Variants in STK32A observed in about 807,000 individuals in gnomAD.
STK32A encodes serine/threonine kinase 32A.
Under a neutral mutation model 53.2 loss-of-function variants are expected in STK32A, and 41 were observed. The ratio of observed to expected loss-of-function variants is 0.77; its 90% CI spans 0.60 to 1.00. STK32A has a LOEUF of 1.00. Among genes scored for constraint, STK32A ranks in the 50% least tolerant of loss-of-function variants. The pLI, the probability that STK32A is intolerant of heterozygous loss-of-function variation, is 0.00. For synonymous variants in STK32A, 166 were observed against 162.8 expected, an observed-to-expected ratio of 1.02 and a Z score of -0.15; for missense variants, 458 against 485.8, an observed-to-expected ratio of 0.94 and a Z score of 0.54.
At chr5:147,369,926 A>G (rs531610006) in intron 8 of STK32A, among the ~76,000 whole-genome samples, 74 of 152,320 alleles carry the variant, frequency 4.9e-4, no homozygotes, top group Admixed American at 7.9e-4. Context: ...GTCCCCTACA[A>G]AATAATATAG....
intron 5 of STK32A, among the ~76,000 whole-genome samples, chr5:147,325,026 G>C (rs1467103532): frequency 6.6e-6 from 1 of 152,142 alleles, no homozygotes; most frequent in Non-Finnish European, 1.5e-5. Context: ...AGGACAAACA[G>C]CTAACAAATA....
At chr5:147,374,096 G>A (rs982519966) in intron 10 of STK32A, among the ~76,000 whole-genome samples, 18 of 151,870 alleles carry the variant, frequency 1.2e-4, no homozygotes, top group African/African-American at 4.1e-4. Flanking sequence ...ATCAGCCTTG[G>A]CAACATGGCA....
At chr5:147,304,170 C>T (rs1452012050) in intron 4 of STK32A, among the ~76,000 whole-genome samples, 1 of 152,156 alleles carries the variant, frequency 6.6e-6, no homozygotes, top group African/African-American at 2.4e-5. Context: ...GAGTCAGCTC[C>T]AACCAATTTT....
downstream of STK32A, chr5:147,387,887 T>C (rs1199541940): frequency 6.6e-6 from 1 of 152,196 alleles, no homozygotes; most frequent in East Asian, 1.9e-4. Flanking sequence ...GCTGTGTGTG[T>C]GTATGTGTGT....
intron 11 of STK32A, chr5:147,376,053 G>T (rs1757219192): frequency 6.6e-6 from 1 of 152,088 alleles, no homozygotes; most frequent in Non-Finnish European, 1.5e-5. Context: ...AGTGAGAAAT[G>T]ATTGAGATAT....
intron 2 of STK32A, among the ~76,000 whole-genome samples, chr5:147,249,678 C>T (rs2400285): frequency 0.24 from 36,823 of 151,542 alleles, 4,513 homozygotes; most frequent in Admixed American, 0.3. Flanking sequence ...TTTGGGAGGC[C>T]GAGGGGGGTG....
chr5:147,238,747 G>A (rs978552141), intron 1 of STK32A, among the ~76,000 whole-genome samples: 4 of 151,670 alleles, frequency 2.6e-5, no homozygotes, highest in African/African-American at 9.7e-5. Flanking sequence ...TATATAATGA[G>A]TTAAGTGTAT....
chr5:147,262,877 G>A (rs576344623), intron 2 of STK32A, among the ~76,000 whole-genome samples: 17 of 152,242 alleles, frequency 1.1e-4, no homozygotes, highest in Admixed American at 2.0e-4. Flanking sequence ...CCAAAGACTC[G>A]GGAATTGGCA....
intron 4 of STK32A, among the ~76,000 whole-genome samples, chr5:147,282,033 C>G (rs966806249): frequency 4.6e-5 from 7 of 152,158 alleles, no homozygotes; most frequent in African/African-American, 1.7e-4. Flanking sequence ...AAGATACAGT[C>G]ATTTTCAGAC....
chr5:147,286,623 T>A (rs1752354326), intron 4 of STK32A, among the ~76,000 whole-genome samples: 1 of 152,166 alleles, frequency 6.6e-6, no homozygotes, highest in African/African-American at 2.4e-5. Context: ...TCTTCATCCC[T>A]ACTGTTACAT....
At chr5:147,382,701 C>T (rs1338775148) in intron 11 of STK32A, among the ~76,000 whole-genome samples, 1 of 152,062 alleles carries the variant, frequency 6.6e-6, no homozygotes, top group East Asian at 1.9e-4. Context: ...GAGCCTGCAC[C>T]CTTCCCTGGT....
At chr5:147,247,809 T>C (rs889892222) in intron 2 of STK32A, among the ~76,000 whole-genome samples, 11 of 152,138 alleles carry the variant, frequency 7.2e-5, no homozygotes, top group Admixed American at 5.9e-4. Flanking sequence ...TTCTTTTGAT[T>C]TTTTTCCAAT....
chr5:147,347,900 G>T (rs1755766896), intron 6 of STK32A, among the ~76,000 whole-genome samples: 1 of 152,178 alleles, frequency 6.6e-6, no homozygotes, highest in Non-Finnish European at 1.5e-5. Context: ...TCATTGTTTA[G>T]CTCAGAAGCA....
At chr5:147,302,161 A>T (rs1753171212) in intron 4 of STK32A, among the ~76,000 whole-genome samples, 1 of 152,178 alleles carries the variant, frequency 6.6e-6, no homozygotes, top group Admixed American at 6.6e-5. Context: ...ATTAGTATTT[A>T]GTGCAATTCA....
At chr5:147,320,808 G>GA (rs72543441) in intron 4 of STK32A, among the ~76,000 whole-genome samples, 1 of 152,080 alleles carries the variant, frequency 6.6e-6, no homozygotes, top group African/African-American at 2.4e-5. Flanking sequence ...GGCTGAAGGG[G>GA]GCGTGAATTG....
chr5:147,383,479 G>T lies in STK32A; in HGVS notation c.1071G>T (p.Lys357Asn). Residue 357 changes from lysine to asparagine, a missense_variant, in exon 12 of 13, where the codon AAG becomes AAT. Physicochemically the swap from Lys to Asn is moderately conservative, Grantham distance 94. Coordinates refer to ENST00000397936, the MANE Select transcript of STK32A (RefSeq NM_001112724.2). ...AAGAGCACCTTGACTCTGTCCAGAA[G>T]GAGTTCATAATTTTCAACAGAGAAA... ...LLQEHLDSVQ[K>N]EFIIFNREKV... The T allele has an allele frequency of 6.3e-7, 1 of 1,596,206 alleles. No homozygotes were observed. The highest frequency in any genetic ancestry group is 8.5e-7 in the Non-Finnish European group (1 of 1,171,002).
chr5:147,374,620 G>A (rs186615112), intron 10 of STK32A, among the ~76,000 whole-genome samples: 112 of 152,194 alleles, frequency 7.4e-4, no homozygotes, highest in African/African-American at 2.5e-3. Flanking sequence ...CATCAATGCT[G>A]GCTCAAAAGA....
At chr5:147,311,567 GT>G (rs1319124689) in intron 4 of STK32A, among the ~76,000 whole-genome samples, 1 of 152,096 alleles carries the variant, frequency 6.6e-6, no homozygotes, top group Non-Finnish European at 1.5e-5. Context: ...TTTCTGAAGT[GT>G]TTTGTTTTGT....
At chr5:147,369,590 T>A (rs1756918304) in intron 8 of STK32A, among the ~76,000 whole-genome samples, 1 of 152,188 alleles carries the variant, frequency 6.6e-6, no homozygotes, top group Non-Finnish European at 1.5e-5. Flanking sequence ...CCAAATCCTT[T>A]TAACCTCAAA....
Sources: allele counts gnomAD v4.1 joint callset (sites outside exome capture counted in the v4.1 genomes callset), GRCh38; gene constraint gnomAD v4.1.1; transcripts MANE v1.5; gene names NCBI Gene and HGNC (gene_info 2026-07-23, HGNC 2026-07-21).